Variants in TTLL11 observed in about 807,000 individuals in gnomAD.
TTLL11 encodes the protein tubulin polyglutamylase TTLL11.
TTLL11 carries 42 observed loss-of-function variants against 51.7 expected under a neutral mutation model. That is an observed-to-expected ratio of 0.81 (90% CI 0.64 to 1.05). TTLL11 has a LOEUF of 1.05. Among genes scored for constraint, TTLL11 ranks in the 50% least tolerant of loss-of-function variants. The pLI is 0.00. For synonymous variants in TTLL11, 381 were observed against 383.5 expected (o/e 0.99, Z 0.08); for missense variants, 799 against 940.4 (o/e 0.85, Z 1.97).
In TTLL11 at chr9:121,942,332, G is replaced by A. The variant is rs116307383; in HGVS notation, c.1481+31677C>T. Among the ~76,000 whole-genome samples, 1,018 of 152,300 alleles carry A rather than the reference G, an allele frequency of 6.7e-3. 10 individuals carry two copies. The highest frequency in any genetic ancestry group is 0.021 in the African/African-American group (876 of 41,552). On this transcript the variant is annotated intron_variant, in intron 6 of 8. Coordinates refer to ENST00000321582, the MANE Select transcript of TTLL11 (RefSeq NM_001139442.2). ...CCAATGTCACCTTCACAGTCAGGCC[G>A]CTTCTCTGATCATCCATTCTCAAAT...
intron 6 of TTLL11, among the ~76,000 whole-genome samples, chr9:121,905,995 T>C (rs1351896613): frequency 6.6e-6 from 1 of 152,222 alleles, no homozygotes; most frequent in Non-Finnish European, 1.5e-5. Context: ...TTGTTTGCCA[T>C]GAAGTTAACT....
rs534892401 is a variant in TTLL11 at position 121,815,754 on chromosome 9, A to T, written c.*6833T>A. 3 of 152,318 alleles carry T rather than the reference A, an allele frequency of 2.0e-5. No individual in the cohort carries two copies. The East Asian group carries it at 5.8e-4, about 29-fold the overall frequency. 9.4% of individuals were successfully genotyped at this position (152,318 alleles called of 1,614,324 possible). Reference sequence around the variant, plus strand: ...TTTTATGAAGTTGCCAAGACAACTGAGGCCAAGTAACAGAACCTTGACTTT... The same window carrying T: ...TTTTATGAAGTTGCCAAGACAACTGTGGCCAAGTAACAGAACCTTGACTTT... On this transcript the variant is annotated 3_prime_UTR_variant, in exon 9 of 9. Coordinates refer to ENST00000321582, the MANE Select transcript of TTLL11 (RefSeq NM_001139442.2).
chr9:121,836,289 A>C (rs931870300), intron 8 of TTLL11, among the ~76,000 whole-genome samples: 1 of 152,096 alleles, frequency 6.6e-6, no homozygotes, highest in African/African-American at 2.4e-5. Flanking sequence ...GGGATAAAAA[A>C]CCAGGGCAGA....
At chr9:122,001,505 T>G (rs1588193844) in intron 3 of TTLL11, among the ~76,000 whole-genome samples, 19 of 30,488 alleles carry the variant, frequency 6.2e-4, no homozygotes, top group East Asian at 1.1e-3. Context: ...AGGCAGGGGG[T>G]GGGAATCATG....
chr9:121,994,618 T>C (rs1420852582), intron 3 of TTLL11, among the ~76,000 whole-genome samples: 2 of 151,950 alleles, frequency 1.3e-5, no homozygotes, highest in African/African-American at 4.8e-5. Context: ...GAATGAGAGA[T>C]GTATGAGAAG....
chr9:121,891,183 A>G (rs1839217391), intron 6 of TTLL11, among the ~76,000 whole-genome samples: 1 of 152,186 alleles, frequency 6.6e-6, no homozygotes, highest in African/African-American at 2.4e-5. Context: ...GGGCAGGAAG[A>G]CCTTGCTCAC....
intron 4 of TTLL11, among the ~76,000 whole-genome samples, chr9:121,975,238 T>A (rs1842675505): frequency 6.6e-6 from 1 of 152,168 alleles, no homozygotes; most frequent in South Asian, 2.1e-4. Flanking sequence ...GTTGATGACC[T>A]CTTTCTTCTT....
At chr9:122,082,953 G>C (rs551150223) in intron 1 of TTLL11, among the ~76,000 whole-genome samples, 10 of 152,290 alleles carry the variant, frequency 6.6e-5, no homozygotes, top group African/African-American at 2.4e-4. Context: ...AGGATGGTTT[G>C]AGCCCAGGAG....
intron 1 of TTLL11, among the ~76,000 whole-genome samples, chr9:122,066,131 T>C (rs1845575683): frequency 1.3e-5 from 2 of 151,982 alleles, no homozygotes; most frequent in Admixed American, 6.5e-5. Context: ...CCAAAAATGA[T>C]AGCAGACTAC....
At chr9:121,922,159 T>G (rs1331846197) in intron 6 of TTLL11, among the ~76,000 whole-genome samples, 1 of 152,206 alleles carries the variant, frequency 6.6e-6, no homozygotes, top group African/African-American at 2.4e-5. Context: ...GAGGGACAAC[T>G]CTATCTCTAC....
intron 1 of TTLL11, among the ~76,000 whole-genome samples, chr9:122,065,335 A>C (rs888842621): frequency 6.6e-6 from 1 of 152,218 alleles, no homozygotes; most frequent in African/African-American, 2.4e-5. Context: ...AAACCTCTGG[A>C]GGTCAATCAG....
chr9:121,923,126 C>A (rs1840599449), intron 6 of TTLL11, among the ~76,000 whole-genome samples: 1 of 152,114 alleles, frequency 6.6e-6, no homozygotes, highest in Admixed American at 6.5e-5. Context: ...ATATTCATTC[C>A]CTTTAGCCCT....
At chr9:122,082,495 C>T (rs1297988522) in intron 1 of TTLL11, among the ~76,000 whole-genome samples, 1 of 107,660 alleles carries the variant, frequency 9.3e-6, no homozygotes, top group African/African-American at 4.5e-5. Flanking sequence ...GAGCGAGACT[C>T]TGTCTCAAAA....
intron 8 of TTLL11, among the ~76,000 whole-genome samples, chr9:121,849,553 A>T (rs538293186): frequency 6.6e-6 from 1 of 152,248 alleles, no homozygotes; most frequent in Non-Finnish European, 1.5e-5. Context: ...TTAAAACTCA[A>T]CAATTAAAAA....
In TTLL11 at chr9:122,040,059, T is replaced by C. The variant is rs578254117; in HGVS notation, c.463-691A>G. 4.6e-5 allele frequency among the ~76,000 whole-genome samples: 7 copies of C among 151,598 alleles called. No individual in the cohort carries two copies. In the East Asian group the frequency reaches 1.4e-3, roughly 29 times the overall value. ...AACCAGATTCTCTCTTCCAGGAATC[T>C]GGAAATCAGAGATGCCAGGCAGCCT... On this transcript the variant is annotated intron_variant, in intron 1 of 8. Transcript: ENST00000321582.
intron 6 of TTLL11, among the ~76,000 whole-genome samples, chr9:121,926,241 C>A (rs550894655): frequency 6.6e-6 from 1 of 152,254 alleles, no homozygotes; most frequent in East Asian, 1.9e-4. Flanking sequence ...CCTGGGGGAC[C>A]CTGCGCTGCC....
intron 1 of TTLL11, among the ~76,000 whole-genome samples, chr9:122,069,873 T>C (rs1845684482): frequency 6.6e-6 from 1 of 151,798 alleles, no homozygotes; most frequent in Non-Finnish European, 1.5e-5. Context: ...AGGAGAATAA[T>C]AGGACTGGAC....
At chr9:122,035,217 G>C (rs1385616636) in intron 2 of TTLL11, among the ~76,000 whole-genome samples, 1 of 152,114 alleles carries the variant, frequency 6.6e-6, no homozygotes, top group Admixed American at 6.5e-5. Flanking sequence ...CAGTGTCTGG[G>C]GTCCTGCTAC....
intron 3 of TTLL11, among the ~76,000 whole-genome samples, chr9:121,990,013 G>C (rs1843064934): frequency 6.6e-6 from 1 of 152,218 alleles, no homozygotes; most frequent in Non-Finnish European, 1.5e-5. Flanking sequence ...GCAGTCACAA[G>C]ACCTGGGTTC....
Sources: gnomAD v4.1 joint callset for allele counts (sites outside exome capture counted in the v4.1 genomes callset) on GRCh38, gnomAD v4.1.1 for gene constraint, MANE v1.5 for transcripts, NCBI Gene and HGNC (gene_info 2026-07-23, HGNC 2026-07-21) for gene names.